Variants in MYBBP1A observed in about 807,000 individuals in gnomAD.
MYBBP1A encodes the protein myb-binding protein 1A.
A neutral mutation model predicts 136.3 loss-of-function variants in MYBBP1A; 147 were observed. That is an observed-to-expected ratio of 1.08 (90% CI 0.94 to 1.24). The LOEUF (loss-of-function observed/expected upper bound fraction) is 1.24, where lower values mean the gene tolerates loss of function less well. Among genes scored for constraint, MYBBP1A ranks in the 50% most tolerant of loss-of-function variants. The pLI, the probability that MYBBP1A is intolerant of heterozygous loss-of-function variation, is 0.00. For missense variants in MYBBP1A, 2,060 were observed against 1,727.4 expected (o/e 1.19, Z -3.41); for synonymous variants, 947 against 735.8 (o/e 1.29, Z -4.65).
At position 4,555,326 on chromosome 17, in the gene MYBBP1A, T is replaced by C. The variant is rs552756664; in HGVS notation, c.-2A>G. ...CTGGGCGGGATCCCGGCTCTCCATC[T>C]CCGCCACACTCACCGAAACACGAAA... On this transcript the variant is annotated 5_prime_UTR_variant, in exon 1 of 26. Transcript: ENST00000254718. 11 of 1,590,220 alleles carry C rather than the reference T, an allele frequency of 6.9e-6. No homozygotes were observed. The highest frequency in any genetic ancestry group is 1.8e-5 in the Admixed American group (1 of 55,920).
chr17:4,544,433 C>G, intron 19 of MYBBP1A, 56 bp downstream of exon 19: 1 of 1,536,562 alleles, frequency 6.5e-7, no homozygotes, highest in Non-Finnish European at 8.7e-7. Context: ...AGCTCTGGCT[C>G]TCCTGCGCCT....
chr17:4,550,461 C>CG lies in MYBBP1A; in HGVS notation c.1024-109dup, dbSNP rs1567612236. The stretch of plus-strand genomic sequence containing the variant: ...GCAACAGCCCAACAGCCCAACAGCC[C>CG]GGGGGCAGGCGGGCAACAGCCCACC... On this transcript the variant is annotated intron_variant, in intron 8 of 25. Coordinates refer to ENST00000254718, the MANE Select transcript of MYBBP1A (RefSeq NM_014520.4). The CG allele has an allele frequency of 5.6e-6, 7 of 1,255,084 alleles. 1 individual carries two copies. In the South Asian group the frequency reaches 8.6e-5, roughly 15 times the overall value. 77.7% of individuals were successfully genotyped at this position (1,255,084 alleles called of 1,614,324 possible).
At chr17:4,546,607 T>G (rs1907034507) in intron 13 of MYBBP1A, among the ~76,000 whole-genome samples, 1 of 152,214 alleles carries the variant, frequency 6.6e-6, no homozygotes, top group Non-Finnish European at 1.5e-5. Context: ...CCTCCATGCT[T>G]GGCTTGGCAT....
At position 4,541,548 on chromosome 17, in the gene MYBBP1A, C is replaced by A; in HGVS notation, c.3212G>T (p.Gly1071Val). The A allele has an allele frequency of 1.2e-6, 2 of 1,612,680 alleles. No homozygotes were observed. Among genetic ancestry groups the A allele is most frequent in the South Asian group, 1.1e-5 (1 of 91,078 alleles). ...ATGCTGCGCCTTGGTCTGCGCCTCC[C>A]CCAGCACGCGCAAGTTCTAGGGAAG... ...AKVTENLRVL[G>V]EAQTKAQHQQ... is the part of the protein sequence containing the mutation. The change falls in exon 24 of 26, where the codon GGG becomes GTG. Residue 1071 changes from glycine (G) to valine (V), a missense_variant. Coordinates refer to ENST00000254718, the MANE Select transcript of MYBBP1A (RefSeq NM_014520.4).
rs772779061 is a variant in MYBBP1A, at chr17:4,545,140, T to G, written c.2196A>C (p.Ser732=). 57 of 1,613,066 alleles carry G rather than the reference T, an allele frequency of 3.5e-5. No homozygotes were observed. Among genetic ancestry groups the G allele is most frequent in the Non-Finnish European group, 3.4e-6 (4 of 1,179,844 alleles). ...CCCCCTCGCTCTCCTCTTCACTCTC[T>G]GAGCTTCTGTTGTCCTCACCTTCCT... is the stretch of plus-strand genomic sequence containing the variant. ...KSEEGEDNRS[S]ESEEESEGEE... Residue 732 remains serine, a synonymous_variant, in exon 17 of 26, where the codon TCA becomes TCC. Transcript: ENST00000254718.
intron 8 of MYBBP1A, 72 bp from the exon 9 acceptor site, chr17:4,550,425 G>T: frequency 6.6e-7 from 1 of 1,523,034 alleles, no homozygotes; most frequent in South Asian, 1.3e-5. Flanking sequence ...AACAGCCAAG[G>T]GGGCAGGCGG....
In MYBBP1A at chr17:4,539,668, G is replaced by A. The variant is rs1906167411; in HGVS notation, c.3734C>T (p.Pro1245Leu). Residue 1245 changes from proline to leucine, a missense_variant, in exon 26 of 26, where the codon CCT becomes CTT. Physicochemically the swap from Pro to Leu is moderately conservative, Grantham distance 98 (BLOSUM62 -3). Coordinates refer to ENST00000254718, the MANE Select transcript of MYBBP1A (RefSeq NM_014520.4). ...PGAPTRSPST[P>L]AKSPKLQKKN... ...CTTCTGCAGTTTTGGGGATTTGGCAGGGGTGCTGGGGCTCCGGGTGGGGGC... is the reference window on the plus strand; with the variant it reads ...CTTCTGCAGTTTTGGGGATTTGGCAAGGGTGCTGGGGCTCCGGGTGGGGGC... 1.2e-6 allele frequency: 2 copies of A among 1,609,720 alleles called. No individual in the cohort carries two copies.
chr17:4,542,329 C>G, intron 22 of MYBBP1A, 135 bp downstream of exon 22: 1 of 1,048,468 alleles, frequency 9.5e-7, no homozygotes. Context: ...TACCCACAGC[C>G]AAGCCAGTGG....
rs746840843 is a variant in MYBBP1A, at chr17:4,550,271, C to T, written c.1106G>A (p.Arg369Gln). ...GAAGGCCACTAGCACGGCCAGCTGCCGCTCAGGGTCATCCTGGCACCCCTC... is the reference window on the plus strand; with the variant it reads ...GAAGGCCACTAGCACGGCCAGCTGCTGCTCAGGGTCATCCTGGCACCCCTC... ...FLEGCQDDPE[R>Q]QLAVLVAFSS... The change falls in exon 9 of 26, where the codon CGG becomes CAG. Residue 369 changes from arginine (R) to glutamine (Q), a missense_variant. Transcript: ENST00000254718. 1.9e-5 allele frequency: 31 copies of T among 1,613,462 alleles called. No homozygotes were observed. The highest frequency in any genetic ancestry group is 2.2e-5 in the Non-Finnish European group (26 of 1,180,034).
rs200489271 is a variant in MYBBP1A at position 4,553,674 on chromosome 17, CAA to C, written c.561+134_561+135del. The C allele has an allele frequency of 8.1e-3, 5,405 of 664,006 alleles. 37 individuals carry two copies. The highest frequency in any genetic ancestry group is 0.011 in the Admixed American group (364 of 33,308). 41.1% of individuals were successfully genotyped at this position (664,006 alleles called of 1,614,324 possible). A position where few individuals can be genotyped will look rare whatever the true frequency, so the allele number is the denominator to read the frequency against. On this transcript the variant is annotated intron_variant, in intron 5 of 25. Transcript: ENST00000254718. ...CACCTGTTTCTTTTTACCTTTTCAACAAAGTCACTGAAACGCTTCAAATTATA... is the reference window on the plus strand; with the variant it reads ...CACCTGTTTCTTTTTACCTTTTCAACAGTCACTGAAACGCTTCAAATTATA...
intron 19 of MYBBP1A, 112 bp from the exon 20 acceptor site, chr17:4,543,277 G>T (rs148390115): frequency 2.9e-6 from 4 of 1,388,926 alleles, no homozygotes; most frequent in Non-Finnish European, 3.8e-6. Context: ...CCTAGAAGAC[G>T]ACAGAGGCGA....
Position 4,554,157 on chromosome 17 carries a change from A to G in MYBBP1A, c.378+38T>C, listed in dbSNP as rs200181967. 69 of 1,612,438 alleles carry G rather than the reference A, an allele frequency of 4.3e-5. No individual in the cohort carries two copies. The African/African-American group carries it at 8.2e-4, about 19-fold the overall frequency. On this transcript the variant is annotated intron_variant, in intron 3 of 25. Transcript: ENST00000254718. ...GAACTCCCCATTCCCCAAGCCTCCC[A>G]CCCCTGGGGCTGCTGACCTCCCTGG...
intron 22 of MYBBP1A, chr17:4,542,214 T>C: frequency 1.7e-6 from 1 of 585,120 alleles, no homozygotes; most frequent in Non-Finnish European, 3.0e-6. Context: ...TGTGGCCAGA[T>C]GGGCAGCAGT....
rs1220465312 is a variant in MYBBP1A, at chr17:4,554,037, C to G, written c.435G>C (p.Gln145His). The change falls in exon 4 of 26, where the codon CAG becomes CAC. Residue 145 changes from glutamine to histidine, a missense_variant. Gln to His is a conservative substitution (Grantham distance 24). Transcript: ENST00000254718. ...CTCTTACCTTCACCAGCCGACCTGA[C>G]TGAAAGAGGGCGAGCACTCCAAACA... ...ANLFGVLALF[Q>H]SGRLVKDQEA... 6.2e-7 allele frequency: 1 copy of G among 1,614,068 alleles called. No homozygotes were observed. Among genetic ancestry groups the G allele is most frequent in the Admixed American group, 1.7e-5 (1 of 60,018 alleles).
At chr17:4,551,853 G>T in intron 8 of MYBBP1A, 27 bp downstream of exon 8, 2 of 1,591,124 alleles carry the variant, frequency 1.3e-6, no homozygotes, top group Non-Finnish European at 1.7e-6. Flanking sequence ...CTTTCTGGCA[G>T]TGTCGAGCTG....
intron 22 of MYBBP1A, 105 bp from the exon 23 acceptor site, chr17:4,541,996 CGT>C: frequency 2.5e-6 from 2 of 801,224 alleles, no homozygotes; most frequent in Non-Finnish European, 4.0e-6. Context: ...CTGTGGGCAG[CGT>C]GTGAGGCTGC....
Position 4,541,484 on chromosome 17 carries a change from G to A in MYBBP1A, c.3276C>T (p.Leu1092=), listed in dbSNP as rs1394697696. 9 of 1,613,400 alleles carry A rather than the reference G, an allele frequency of 5.6e-6. 1 individual carries two copies. In the South Asian group the frequency reaches 6.6e-5, roughly 12 times the overall value. The change falls in exon 24 of 26, where the codon CTC becomes CTT. Residue 1092 remains leucine (L), a synonymous_variant. Coordinates refer to ENST00000254718, the MANE Select transcript of MYBBP1A (RefSeq NM_014520.4). ...TCACCTCATGTTTGCAGGTCCTGAA[G>A]AGAACGTTGAGCAGCTCCAGGGAGG... ...ALSSLELLNV[L]FRTCKHEKLT...
Position 4,545,085 on chromosome 17 carries a change from C to T in MYBBP1A, c.2251G>A (p.Asp751Asn), listed in dbSNP as rs144019425. The change falls in exon 17 of 26, where the codon GAC becomes AAC. Residue 751 changes from aspartate (D) to asparagine (N), a missense_variant. By Grantham distance (23) the Asp-to-Asn change is conservative. Coordinates refer to ENST00000254718, the MANE Select transcript of MYBBP1A (RefSeq NM_014520.4). ...TGTTCCCGGAAGCCCTGATCCACGT[C>T]CCCGTCGCGCTCCTCCTCCTCGCTC... ...EESEEEERDG[D>N]VDQGFREQLM... 214 of 1,581,200 alleles carry T rather than the reference C, an allele frequency of 1.4e-4. No homozygotes were observed. In the African/African-American group the frequency reaches 2.2e-3, roughly 16 times the overall value.
intron 5 of MYBBP1A, among the ~76,000 whole-genome samples, chr17:4,553,287 T>C (rs557834915): frequency 6.6e-6 from 1 of 152,298 alleles, no homozygotes; most frequent in African/African-American, 2.4e-5. Context: ...ACCCCTGCCT[T>C]TCTCTTCGGT....
Sources: allele counts gnomAD v4.1 joint callset (sites outside exome capture counted in the v4.1 genomes callset), GRCh38; gene constraint gnomAD v4.1.1; transcripts MANE v1.5; gene names NCBI Gene and HGNC (gene_info 2026-07-23, HGNC 2026-07-21).